UNC13C: variants seen among roughly 807,000 people sequenced by gnomAD.
UNC13C encodes the protein protein unc-13 homolog C.
A neutral mutation model predicts 245.4 loss-of-function variants in UNC13C; 174 were observed. The observed-to-expected ratio is 0.71, with a 90% CI of 0.63 to 0.80. The LOEUF (loss-of-function observed/expected upper bound fraction) is 0.80. Ranked by LOEUF, UNC13C falls within the 30% of genes least tolerant of loss-of-function variation. The pLI, the probability that UNC13C is intolerant of heterozygous loss-of-function variation, is 0.00. For synonymous variants in UNC13C, 992 were observed against 895.1 expected (o/e 1.11, Z -1.93); for missense variants, 2,829 against 2,602.9 (o/e 1.09, Z -1.89).
intron 17 of UNC13C, among the ~76,000 whole-genome samples, chr15:54,365,381 A>G (rs1442828316): frequency 2.6e-5 from 4 of 152,074 alleles, no homozygotes; most frequent in Non-Finnish European, 5.9e-5. Context: ...CCTCTTTTTT[A>G]AAAACCACTT....
intron 2 of UNC13C, among the ~76,000 whole-genome samples, chr15:54,103,475 G>A (rs113930708): frequency 6.6e-5 from 10 of 152,138 alleles, no homozygotes; most frequent in South Asian, 4.1e-4. Context: ...TTTACCAACC[G>A]TGTTCAAATT....
chr15:54,526,706 T>TGCACTCCA (rs1170322017), intron 25 of UNC13C, among the ~76,000 whole-genome samples: 2 of 132,616 alleles, frequency 1.5e-5, no homozygotes, highest in African/African-American at 3.0e-5. Context: ...ATCGCACCAC[T>TGCACTCCA]GCACTCCAGC....
At chr15:54,393,419 T>C (rs989303212) in intron 18 of UNC13C, among the ~76,000 whole-genome samples, 1 of 151,878 alleles carries the variant, frequency 6.6e-6, no homozygotes, top group Non-Finnish European at 1.5e-5. Flanking sequence ...CAAGATTTGA[T>C]GTTTATGTAA....
At chr15:53,908,841 C>A in the UNC13C span, among the ~76,000 whole-genome samples, 4 of 142,330 alleles carry the variant, frequency 2.8e-5, no homozygotes, top group Admixed American at 2.9e-4. Context: ...TTATATTTAG[C>A]ATTAGTTGAG....
rs1703916896 is a variant in UNC13C, at chr15:54,228,681, G to C, written c.3072-6349G>C. ...GCCATGGCCTGGAATGGGAGTCTCA[G>C]AACTCTGATTCCTTATTCTGCTATG... On this transcript the variant is annotated intron_variant, in intron 4 of 32. Transcript: ENST00000260323. Among the ~76,000 whole-genome samples, 4 of 152,280 alleles carry C rather than the reference G, an allele frequency of 2.6e-5. No homozygotes were observed. In the South Asian group the frequency reaches 8.3e-4, roughly 32 times the overall value.
intron 28 of UNC13C, among the ~76,000 whole-genome samples, chr15:54,551,896 T>G (rs1422307237): frequency 6.6e-6 from 1 of 151,872 alleles, no homozygotes; most frequent in Non-Finnish European, 1.5e-5. Context: ...TAAAACTATT[T>G]CCTCTTATTT....
chr15:54,541,316 C>T (rs566692257), intron 26 of UNC13C, among the ~76,000 whole-genome samples: 1 of 151,950 alleles, frequency 6.6e-6, no homozygotes, highest in African/African-American at 2.4e-5. Context: ...TTAAAAACAG[C>T]CAAATGTGTC....
chr15:54,464,431 ATT>A (rs943660890), intron 19 of UNC13C, among the ~76,000 whole-genome samples: 18 of 152,122 alleles, frequency 1.2e-4, no homozygotes, highest in African/African-American at 3.9e-4. Context: ...GAAGCATTAC[ATT>A]TTTTTATTCT....
rs537649315 is a variant in UNC13C at position 54,003,959 on chromosome 15, C to T, written c.-256-8689C>T. Among the ~76,000 whole-genome samples the T allele has an allele frequency of 5.3e-5, 8 of 152,106 alleles. No homozygotes were observed. In the East Asian group the frequency reaches 7.7e-4, roughly 15 times the overall value. On this transcript the variant is annotated intron_variant, in intron 1 of 32. Coordinates refer to ENST00000260323, the MANE Select transcript of UNC13C (RefSeq NM_001080534.3). ...CTGGAAGGGGCAGCTTGCAGTGAGCCGAGATCCTGCCACAGCACTCCAGCC... is the reference window on the plus strand; with the variant it reads ...CTGGAAGGGGCAGCTTGCAGTGAGCTGAGATCCTGCCACAGCACTCCAGCC...
chr15:54,526,740 GAAAAAA>G (rs1164016477), intron 25 of UNC13C, among the ~76,000 whole-genome samples: 1 of 63,096 alleles, frequency 1.6e-5, no homozygotes, highest in Non-Finnish European at 3.2e-5. Flanking sequence ...ACTCCGTCTA[GAAAAAA>G]AAAAAAAAAA....
At chr15:54,246,114 C>A (rs1374897562) in intron 7 of UNC13C, among the ~76,000 whole-genome samples, 2 of 152,130 alleles carry the variant, frequency 1.3e-5, no homozygotes, top group Admixed American at 1.3e-4. Flanking sequence ...TTTTTAGTTT[C>A]TTCAGGTAGT....
intron 4 of UNC13C, among the ~76,000 whole-genome samples, chr15:54,199,604 G>T (rs1488050184): frequency 2.6e-5 from 4 of 152,032 alleles, no homozygotes; most frequent in African/African-American, 9.7e-5. Flanking sequence ...CTTCACAAAT[G>T]AAAGAAAGAT....
chr15:54,403,543 C>T lies in UNC13C; in HGVS notation c.4847+10362C>T, dbSNP rs551143820. 9.2e-5 allele frequency among the ~76,000 whole-genome samples: 14 copies of T among 151,598 alleles called. No individual in the cohort carries two copies. In the South Asian group the frequency reaches 2.3e-3, roughly 25 times the overall value. ...TTGAGATCAGTACATAGTGAGACCC[C>T]GTCTCTACAAAAAAATACAAAAATT... On this transcript the variant is annotated intron_variant, in intron 18 of 32. Transcript: ENST00000260323.
At chr15:54,142,811 C>G in intron 2 of UNC13C, among the ~76,000 whole-genome samples, 1 of 152,156 alleles carries the variant, frequency 6.6e-6, no homozygotes, top group East Asian at 1.9e-4. Flanking sequence ...CACTTTTATA[C>G]TTTTCAAGCA....
chr15:54,595,837 T>A (rs925452545), intron 30 of UNC13C, among the ~76,000 whole-genome samples: 2 of 152,224 alleles, frequency 1.3e-5, no homozygotes, highest in African/African-American at 4.8e-5. Flanking sequence ...TTCCAATGAA[T>A]TAGACTTGAT....
intron 23 of UNC13C, among the ~76,000 whole-genome samples, chr15:54,510,728 T>C (rs1277577702): frequency 6.6e-6 from 1 of 152,128 alleles, no homozygotes; most frequent in African/African-American, 2.4e-5. Context: ...CCTTGAGTCC[T>C]TTGCATGACT....
rs117130103 is a variant in UNC13C at position 54,259,237 on chromosome 15, G to A, written c.3449-4931G>A. On this transcript the variant is annotated intron_variant, in intron 8 of 32. Transcript: ENST00000260323. The stretch of plus-strand genomic sequence containing the variant: ...GGATGCAAACATTCAGACTACGCCA[G>A]TTAGTTAAGTGGCAGATCAGGATTC... 2.8e-3 allele frequency among the ~76,000 whole-genome samples: 432 copies of A among 152,364 alleles called. 2 individuals carry two copies. Among genetic ancestry groups the A allele is most frequent in the East Asian group, 0.026 (134 of 5,176 alleles).
At chr15:54,285,438 A>G (rs1016737779) in intron 10 of UNC13C, among the ~76,000 whole-genome samples, 9 of 152,214 alleles carry the variant, frequency 5.9e-5, no homozygotes, top group African/African-American at 2.2e-4. Context: ...CGATATTGCA[A>G]TAGAAGTGGG....
rs1036244076 is a variant in UNC13C, at chr15:54,294,167, C to G, written c.3988+103C>G. 27 of 1,003,150 alleles carry G rather than the reference C, an allele frequency of 2.7e-5. No homozygotes were observed. In the East Asian group the frequency reaches 7.8e-4, roughly 29 times the overall value. 62.1% of individuals were successfully genotyped at this position (1,003,150 alleles called of 1,614,324 possible). A position where few individuals can be genotyped will look rare whatever the true frequency, so the allele number is the denominator to read the frequency against. On this transcript the variant is annotated intron_variant, in intron 11 of 32. Coordinates refer to ENST00000260323, the MANE Select transcript of UNC13C (RefSeq NM_001080534.3). Reference sequence around the variant, plus strand: ...ATAAGTAAAAATAACCAATGCCTTTCCAGGACATTCTGTTGAACTTTAGAT... The same window carrying G: ...ATAAGTAAAAATAACCAATGCCTTTGCAGGACATTCTGTTGAACTTTAGAT...
Sources: allele counts gnomAD v4.1 joint callset (sites outside exome capture counted in the v4.1 genomes callset), GRCh38; gene constraint gnomAD v4.1.1; transcripts MANE v1.5; gene names NCBI Gene and HGNC (gene_info 2026-07-23, HGNC 2026-07-21).